Variants in FAM110D observed in about 807,000 individuals in gnomAD.
FAM110D encodes the protein family with sequence similarity 110 member D.
For missense variants in FAM110D, 376 were observed against 395.6 expected (o/e 0.95, Z 0.42); for synonymous variants, 174 against 189.4 (o/e 0.92, Z 0.67).
chr1:26,161,269 C>A lies in FAM110D; in HGVS notation c.-23C>A. 6.6e-7 allele frequency: 1 copy of A among 1,520,154 alleles called. No homozygotes were observed. The highest frequency in any genetic ancestry group is 2.1e-5 in the Admixed American group (1 of 47,098). 94.2% of individuals were successfully genotyped at this position (1,520,154 alleles called of 1,614,324 possible). A position where few individuals can be genotyped will look rare whatever the true frequency, so the allele number is the denominator to read the frequency against. ...CCCGTGGCTGGCTACTTATGGGGCA[C>A]TGTCCTGACCAGCTCTGCTAAGATG... is the stretch of plus-strand genomic sequence containing the variant. On this transcript the variant is annotated 5_prime_UTR_variant, in exon 2 of 2. The change creates a new upstream start codon in the 5' untranslated region. Transcript: ENST00000374268. The surrounding 1 kb of genome is among the most constrained non-coding windows in gnomAD (Gnocchi z 5.4).
Position 26,161,607 on chromosome 1 carries a change from G to A in FAM110D, c.316G>A (p.Gly106Ser). ...SVNKENAKGQGLVRRLFLGAP... is the reference protein window; with the variant it reads ...SVNKENAKGQSLVRRLFLGAP... Reference sequence around the variant, plus strand: ...GAACAAAGAGAACGCCAAGGGCCAGGGTCTGGTGCGGCGCCTCTTTCTGGG... The same window carrying A: ...GAACAAAGAGAACGCCAAGGGCCAGAGTCTGGTGCGGCGCCTCTTTCTGGG... The change falls in exon 2 of 2, where the codon GGT (glycine) becomes AGT (serine). Residue 106 changes from glycine (G) to serine (S), a missense_variant. Physicochemically the swap from Gly to Ser is moderately conservative, Grantham distance 56. Transcript: ENST00000374268. This position sits in a 1 kb window ranked among gnomAD's most constrained non-coding sequence, Gnocchi z 5.4. 6.4e-7 allele frequency: 1 copy of A among 1,550,572 alleles called. No individual in the cohort carries two copies. Among genetic ancestry groups the A allele is most frequent in the Non-Finnish European group, 8.7e-7 (1 of 1,147,096 alleles).
chr1:26,161,460 G>C lies in FAM110D; in HGVS notation c.169G>C (p.Glu57Gln), dbSNP rs1328904258. Residue 57 changes from glutamate to glutamine, a missense_variant, in exon 2 of 2, where the codon GAG (glutamate) becomes CAG (glutamine). Glu to Gln is a conservative substitution (Grantham distance 29). Transcript: ENST00000374268. The surrounding 1 kb of genome is among the most constrained non-coding windows in gnomAD (Gnocchi z 5.4). Reference sequence around the variant, plus strand: ...GCCGCTCACGCCGCACCCCTGCAACGAGCTGGGGCCCCCTGCATCGCCCAG... The same window carrying C: ...GCCGCTCACGCCGCACCCCTGCAACCAGCTGGGGCCCCCTGCATCGCCCAG... ...PGPLTPHPCN[E>Q]LGPPASPRTP... 2 of 1,566,632 alleles carry C rather than the reference G, an allele frequency of 1.3e-6. No individual in the cohort carries two copies. The highest frequency in any genetic ancestry group is 1.7e-6 in the Non-Finnish European group (2 of 1,156,232).
In FAM110D at chr1:26,161,451, C is replaced by A. The variant is rs201813203; in HGVS notation, c.160C>A (p.Pro54Thr). Residue 54 changes from proline to threonine, a missense_variant, in exon 2 of 2, where the codon CCC becomes ACC. By Grantham distance (38) the Pro-to-Thr change is conservative. Transcript: ENST00000374268. This position sits in a 1 kb window ranked among gnomAD's most constrained non-coding sequence, Gnocchi z 5.4. Reference sequence around the variant, plus strand: ...GAGTCCTGGGCCGCTCACGCCGCACCCCTGCAACGAGCTGGGGCCCCCTGC... The same window carrying A: ...GAGTCCTGGGCCGCTCACGCCGCACACCTGCAACGAGCTGGGGCCCCCTGC... ...RGSPGPLTPH[P>T]CNELGPPASP... The A allele has an allele frequency of 3.9e-3, 6,058 of 1,572,894 alleles. 20 individuals are homozygous for A. The highest frequency in any genetic ancestry group is 4.4e-3 in the Non-Finnish European group (5,087 of 1,159,586).
At chr1:26,160,795 C>A (rs777126588) in intron 1 of FAM110D, among the ~76,000 whole-genome samples, 16 of 149,588 alleles carry the variant, frequency 1.1e-4, no homozygotes, top group African/African-American at 3.9e-4. Context: ...TGTTTGGGGG[C>A]GGGAAGGGTG....
At chr1:26,160,506 T>G (rs1304461717) in intron 1 of FAM110D, among the ~76,000 whole-genome samples, 1 of 150,656 alleles carries the variant, frequency 6.6e-6, no homozygotes, top group Non-Finnish European at 1.5e-5. Context: ...AAACCTGGGT[T>G]CCAGTCCTGG....
In FAM110D at chr1:26,163,946, T is replaced by TA. The variant is rs1557611234; in HGVS notation, c.*1845dup. 1 of 389,926 alleles carries TA rather than the reference T, an allele frequency of 2.6e-6. No individual in the cohort carries two copies. Among genetic ancestry groups the TA allele is most frequent in the African/African-American group, 2.1e-5 (1 of 48,484 alleles). 24.2% of individuals were successfully genotyped at this position (389,926 alleles called of 1,614,324 possible). On this transcript the variant is annotated 3_prime_UTR_variant, in exon 2 of 2. Coordinates refer to ENST00000374268, the MANE Select transcript of FAM110D (RefSeq NM_024869.3). ...ACTTCCTGGAAAGTTGTACCTTAAA[T>TA]AAAAAACCCATCCTGATATGCGGGC...
Position 26,161,863 on chromosome 1 carries a change from C to T in FAM110D, c.572C>T (p.Ala191Val), listed in dbSNP as rs1430247431. The change falls in exon 2 of 2, where the codon GCC becomes GTC. Residue 191 changes from alanine to valine, a missense_variant. Transcript: ENST00000374268. The surrounding 1 kb of genome is among the most constrained non-coding windows in gnomAD (Gnocchi z 5.4). ...AERFSPQSWG[A>V]DASPQAGTSP... ...CGCTTCTCCCCGCAGAGCTGGGGAG[C>T]CGACGCCAGCCCGCAGGCCGGAACT... The T allele has an allele frequency of 2.7e-6, 4 of 1,495,366 alleles. No individual in the cohort carries two copies. Among genetic ancestry groups the T allele is most frequent in the Non-Finnish European group, 3.5e-6 (4 of 1,127,690 alleles). 92.6% of individuals were successfully genotyped at this position (1,495,366 alleles called of 1,614,324 possible). A position where few individuals can be genotyped will look rare whatever the true frequency, so the allele number is the denominator to read the frequency against.
Position 26,161,437 on chromosome 1 carries a change from C to T in FAM110D, c.146C>T (p.Pro49Leu), listed in dbSNP as rs746971451. Residue 49 changes from proline to leucine, a missense_variant, in exon 2 of 2, where the codon CCG (proline) becomes CTG (leucine). Coordinates refer to ENST00000374268, the MANE Select transcript of FAM110D (RefSeq NM_024869.3). The surrounding 1 kb of genome is among the most constrained non-coding windows in gnomAD (Gnocchi z 5.4). ...CCAGCCCTGCGTGGGAGTCCTGGGC[C>T]GCTCACGCCGCACCCCTGCAACGAG... ...QEPALRGSPGPLTPHPCNELG... is the reference protein window; with the variant it reads ...QEPALRGSPGLLTPHPCNELG... The T allele has an allele frequency of 2.2e-5, 35 of 1,583,502 alleles. No individual in the cohort carries two copies. The South Asian group carries it at 3.8e-4, about 17-fold the overall frequency.
chr1:26,161,508 G>A lies in FAM110D; in HGVS notation c.217G>A (p.Gly73Arg), dbSNP rs754786553. 5 of 1,551,830 alleles carry A rather than the reference G, an allele frequency of 3.2e-6. No individual in the cohort carries two copies. The highest frequency in any genetic ancestry group is 2.4e-5 in the South Asian group (2 of 84,232). The change falls in exon 2 of 2, where the codon GGA becomes AGA. Residue 73 changes from glycine (G) to arginine (R), a missense_variant. Physicochemically the swap from Gly to Arg is moderately radical, Grantham distance 125. Transcript: ENST00000374268. This position sits in a 1 kb window ranked among gnomAD's most constrained non-coding sequence, Gnocchi z 5.4. The stretch of plus-strand genomic sequence containing the variant: ...CAGGACGCCCAGGCCGGTCCGCCGG[G>A]GAAGCGGCAGGCGGCTGCCGAGGCC... ...SPRTPRPVRR[G>R]SGRRLPRPDS...
At position 26,161,726 on chromosome 1, in the gene FAM110D, G is replaced by A; in HGVS notation, c.435G>A (p.Ala145=). 1 of 1,548,810 alleles carries A rather than the reference G, an allele frequency of 6.5e-7. No individual in the cohort carries two copies. Among genetic ancestry groups the A allele is most frequent in the Non-Finnish European group, 8.7e-7 (1 of 1,146,380 alleles). ...CTGCGCCCCAGGATGCCCCGGAAGC[G>A]GCGGGAAAGCGGGCGCTGTGTCCCA... The part of the protein sequence containing the change: ...GWAAPQDAPE[A]AGKRALCPTC... The change falls in exon 2 of 2, where the codon GCG becomes GCA. Residue 145 remains alanine (A), a synonymous_variant. Coordinates refer to ENST00000374268, the MANE Select transcript of FAM110D (RefSeq NM_024869.3). The surrounding 1 kb of genome is among the most constrained non-coding windows in gnomAD (Gnocchi z 5.4).
rs372217581 is a variant in FAM110D at position 26,161,479 on chromosome 1, C to T, written c.188C>T (p.Ser63Leu). The T allele has an allele frequency of 6.4e-7, 1 of 1,554,722 alleles. No individual in the cohort carries two copies. The highest frequency in any genetic ancestry group is 8.7e-7 in the Non-Finnish European group (1 of 1,149,436). The part of the protein sequence containing the change: ...HPCNELGPPA[S>L]PRTPRPVRRG... ...TGCAACGAGCTGGGGCCCCCTGCAT[C>T]GCCCAGGACGCCCAGGCCGGTCCGC... is the stretch of plus-strand genomic sequence containing the variant. The change falls in exon 2 of 2, where the codon TCG becomes TTG. Residue 63 changes from serine to leucine, a missense_variant. Physicochemically the swap from Ser to Leu is moderately radical, Grantham distance 145. Transcript: ENST00000374268. This position sits in a 1 kb window ranked among gnomAD's most constrained non-coding sequence, Gnocchi z 5.4.
chr1:26,160,644 A>T (rs1283340443), intron 1 of FAM110D, among the ~76,000 whole-genome samples: 1 of 152,242 alleles, frequency 6.6e-6, no homozygotes, highest in Non-Finnish European at 1.5e-5. Context: ...TCCCCTTGGC[A>T]GGGGCAGAGT....
At position 26,162,199 on chromosome 1, in the gene FAM110D, T is replaced by G. The variant is rs2088377522; in HGVS notation, c.*92T>G. On this transcript the variant is annotated 3_prime_UTR_variant, in exon 2 of 2. Coordinates refer to ENST00000374268, the MANE Select transcript of FAM110D (RefSeq NM_024869.3). This position sits in a 1 kb window ranked among gnomAD's most constrained non-coding sequence, Gnocchi z 5.3. ...GCGCTGGGTGCCTTTGCGTAAGCCC[T>G]TCCTTCTGGAACTCAGTTTCGCGTC... is the stretch of plus-strand genomic sequence containing the variant. 3 of 796,454 alleles carry G rather than the reference T, an allele frequency of 3.8e-6. No individual in the cohort carries two copies. The South Asian group carries it at 1.9e-4, about 51-fold the overall frequency. 49.3% of individuals were successfully genotyped at this position (796,454 alleles called of 1,614,324 possible). A position where few individuals can be genotyped will look rare whatever the true frequency, so the allele number is the denominator to read the frequency against.
Position 26,162,640 on chromosome 1 carries a change from C to G in FAM110D, c.*533C>G, listed in dbSNP as rs2088382150. The G allele has an allele frequency of 6.2e-6, 1 of 160,386 alleles. No homozygotes were observed. Among genetic ancestry groups the G allele is most frequent in the South Asian group, 2.1e-4 (1 of 4,834 alleles). The allele number at this position is 160,386 out of a possible 1,614,324, so 9.9% of individuals were successfully genotyped here. The stretch of plus-strand genomic sequence containing the variant: ...TGCTGTGACTTCTACCGAATGAGTA[C>G]TAACACTGTTGTGATCTCCACTGGC... On this transcript the variant is annotated 3_prime_UTR_variant, in exon 2 of 2. Transcript: ENST00000374268. The surrounding 1 kb of genome is among the most constrained non-coding windows in gnomAD (Gnocchi z 5.3).
Position 26,161,367 on chromosome 1 carries a change from GCCAA to G in FAM110D, c.77_80del (p.Ala26GlyfsTer8). The G allele has an allele frequency of 6.3e-7, 1 of 1,597,330 alleles. No homozygotes were observed. The stretch of plus-strand genomic sequence containing the variant: ...CGTGGAGAGGCTGGAAGCCGACAAA[GCCAA>G]GTATGTCAAGACGCACCAGGTGATA... On this transcript the variant is annotated frameshift_variant, in exon 2 of 2. Coordinates refer to ENST00000374268, the MANE Select transcript of FAM110D (RefSeq NM_024869.3). LOFTEE classifies it low-confidence loss of function (END_TRUNC). This position sits in a 1 kb window ranked among gnomAD's most constrained non-coding sequence, Gnocchi z 5.4.
Position 26,161,886 on chromosome 1 carries a change from A to C in FAM110D, c.595A>C (p.Thr199Pro). The change falls in exon 2 of 2, where the codon ACT becomes CCT. Residue 199 changes from threonine (T) to proline (P), a missense_variant. Physicochemically the swap from Thr to Pro is conservative, Grantham distance 38 (BLOSUM62 -1). Transcript: ENST00000374268. This position sits in a 1 kb window ranked among gnomAD's most constrained non-coding sequence, Gnocchi z 5.4. The part of the protein sequence containing the change: ...WGADASPQAG[T>P]SPPPGSGDAS... The stretch of plus-strand genomic sequence containing the variant: ...AGCCGACGCCAGCCCGCAGGCCGGA[A>C]CTTCGCCGCCGCCCGGCTCCGGGGA... 2.1e-6 allele frequency: 3 copies of C among 1,462,688 alleles called. No homozygotes were observed. The highest frequency in any genetic ancestry group is 2.7e-6 in the Non-Finnish European group (3 of 1,113,436). 90.6% of individuals were successfully genotyped at this position (1,462,688 alleles called of 1,614,324 possible). A position where few individuals can be genotyped will look rare whatever the true frequency, so the allele number is the denominator to read the frequency against.
rs1177826119 is a variant in FAM110D at position 26,161,135 on chromosome 1, C to G, written c.-80-77C>G. Reference sequence around the variant, plus strand: ...GGATGGGAGAGGGTGGCTGACTGATCCTATACTGAGGAATGCCGGCAGGAG... The same window carrying G: ...GGATGGGAGAGGGTGGCTGACTGATGCTATACTGAGGAATGCCGGCAGGAG... On this transcript the variant is annotated intron_variant, in intron 1 of 1. Coordinates refer to ENST00000374268, the MANE Select transcript of FAM110D (RefSeq NM_024869.3). The surrounding 1 kb of genome is among the most constrained non-coding windows in gnomAD (Gnocchi z 5.4). The G allele has an allele frequency of 1.3e-6, 1 of 754,328 alleles. No individual in the cohort carries two copies. Among genetic ancestry groups the G allele is most frequent in the East Asian group, 2.7e-5 (1 of 36,556 alleles). The allele number at this position is 754,328 out of a possible 1,614,324, so 46.7% of individuals were successfully genotyped here.
chr1:26,161,142 T>A lies in FAM110D; in HGVS notation c.-80-70T>A. ...AGAGGGTGGCTGACTGATCCTATACTGAGGAATGCCGGCAGGAGAGGACCA... is the reference window on the plus strand; with the variant it reads ...AGAGGGTGGCTGACTGATCCTATACAGAGGAATGCCGGCAGGAGAGGACCA... On this transcript the variant is annotated intron_variant, in intron 1 of 1. Coordinates refer to ENST00000374268, the MANE Select transcript of FAM110D (RefSeq NM_024869.3). This position sits in a 1 kb window ranked among gnomAD's most constrained non-coding sequence, Gnocchi z 5.4. 1 of 797,098 alleles carries A rather than the reference T, an allele frequency of 1.3e-6. No homozygotes were observed. Among genetic ancestry groups the A allele is most frequent in the Non-Finnish European group, 2.0e-6 (1 of 510,410 alleles). 49.4% of individuals were successfully genotyped at this position (797,098 alleles called of 1,614,324 possible). A position where few individuals can be genotyped will look rare whatever the true frequency, so the allele number is the denominator to read the frequency against.
At chr1:26,159,723 T>A (rs2088343562) in intron 1 of FAM110D, among the ~76,000 whole-genome samples, 1 of 151,876 alleles carries the variant, frequency 6.6e-6, no homozygotes, top group African/African-American at 2.4e-5. Context: ...TGTTCCTTTG[T>A]TGTCCCCAGA....
Sources: gnomAD v4.1 joint callset for allele counts (sites outside exome capture counted in the v4.1 genomes callset) on GRCh38, gnomAD v4.1.1 for gene constraint, Gnocchi (gnomAD v3.1) non-coding constraint, MANE v1.5 for transcripts, NCBI Gene and HGNC (gene_info 2026-07-23, HGNC 2026-07-21) for gene names.